The following ARHGEF7 variants were observed in gnomAD, a reference collection of about 807,000 sequenced individuals.
The protein encoded by ARHGEF7 is Rho guanine nucleotide exchange factor 7, also known as PAK-interacting exchange factor beta.
In ARHGEF7, 33 loss-of-function variants were observed where a neutral mutation model predicts 109.8. That is an observed-to-expected ratio of 0.30 (90% CI 0.23 to 0.40). The LOEUF (loss-of-function observed/expected upper bound fraction) is 0.40, where lower values mean the gene tolerates loss of function less well. Ranked by LOEUF, ARHGEF7 falls within the 10% of genes least tolerant of loss-of-function variation. The pLI is 1.00. For missense variants in ARHGEF7, 938 were observed against 1,098.5 expected (o/e 0.85, Z 2.07); for synonymous variants, 458 against 424.6 (o/e 1.08, Z -0.97).
At chr13:111,263,159 C>T (rs541289473) in intron 8 of ARHGEF7, among the ~76,000 whole-genome samples, 4 of 152,154 alleles carry the variant, frequency 2.6e-5, no homozygotes, top group South Asian at 2.1e-4. Context: ...TATGTTGGCA[C>T]GTTATGCTCG....
At chr13:111,159,759 A>G (rs1019545179) in intron 2 of ARHGEF7, among the ~76,000 whole-genome samples, 1 of 152,114 alleles carries the variant, frequency 6.6e-6, no homozygotes, top group Non-Finnish European at 1.5e-5. Flanking sequence ...TATTTTGGAT[A>G]TTAGCTTCTT....
At chr13:111,191,728 A>G (rs1168531200) in intron 2 of ARHGEF7, among the ~76,000 whole-genome samples, 1 of 152,172 alleles carries the variant, frequency 6.6e-6, no homozygotes, top group Non-Finnish European at 1.5e-5. Context: ...GAGGTATCCA[A>G]GGAAGCAGGA....
chr13:111,270,487 T>G (rs968883985), intron 9 of ARHGEF7, among the ~76,000 whole-genome samples: 1 of 152,230 alleles, frequency 6.6e-6, no homozygotes, highest in African/African-American at 2.4e-5. Context: ...TTTCATTTCC[T>G]TTTTAACTGT....
chr13:111,235,909 A>G (rs1183757314), intron 6 of ARHGEF7, among the ~76,000 whole-genome samples: 1 of 152,220 alleles, frequency 6.6e-6, no homozygotes, highest in African/African-American at 2.4e-5. Flanking sequence ...CAATGGTGTT[A>G]AGGAAATTTA....
intron 2 of ARHGEF7, among the ~76,000 whole-genome samples, chr13:111,157,894 C>T (rs77021475): frequency 0.015 from 2,232 of 152,288 alleles, 27 homozygotes; most frequent in African/African-American, 0.034. Context: ...CATCTGACAA[C>T]TAGGGAAGCA....
chr13:111,200,077 C>G (rs2081036691), intron 2 of ARHGEF7, among the ~76,000 whole-genome samples: 1 of 152,168 alleles, frequency 6.6e-6, no homozygotes, highest in Non-Finnish European at 1.5e-5. Flanking sequence ...TCCTCCTCCT[C>G]TTCCTCAACA....
chr13:111,221,138 C>CAT (rs1223701745), intron 5 of ARHGEF7, among the ~76,000 whole-genome samples: 3 of 102,716 alleles, frequency 2.9e-5, no homozygotes, highest in Admixed American at 1.2e-4. Context: ...AACTCCCTTT[C>CAT]ATATATATAT....
In ARHGEF7 at chr13:111,159,229, G is replaced by C. The variant is rs1594102556; in HGVS notation, c.252+5238G>C. 46 of 617,086 alleles carry C rather than the reference G, an allele frequency of 7.5e-5. No homozygotes were observed. The South Asian group carries it at 8.8e-4, about 12-fold the overall frequency. The allele number at this position is 617,086 out of a possible 1,614,324, so 38.2% of individuals were successfully genotyped here. On this transcript the variant is annotated intron_variant, in intron 2 of 21. Coordinates refer to ENST00000646102, the MANE Select transcript of ARHGEF7 (RefSeq NM_001354046.2). ...ATAACAGGATTTCCTTTTTTTAAAA[G>C]TCTGACTAGTATTCTATTGTGTATA...
rs1373583148 is a variant in ARHGEF7 at position 111,115,432 on chromosome 13, C to G, written c.-95C>G. ...TCGCCGGCGCCGGCCGCTCGATGGG[C>G]GAGGCGGCGGCGGCGGCGGCGGGGG... On this transcript the variant is annotated 5_prime_UTR_variant, in exon 1 of 22. Coordinates refer to ENST00000646102, the MANE Select transcript of ARHGEF7 (RefSeq NM_001354046.2). The G allele has an allele frequency of 7.5e-6, 7 of 933,324 alleles. No homozygotes were observed. The highest frequency in any genetic ancestry group is 5.4e-4 in the Middle Eastern group (1 of 1,854). 57.8% of individuals were successfully genotyped at this position (933,324 alleles called of 1,614,324 possible).
chr13:111,257,604 C>T (rs1490377859), intron 8 of ARHGEF7, among the ~76,000 whole-genome samples: 1 of 152,240 alleles, frequency 6.6e-6, no homozygotes, highest in Non-Finnish European at 1.5e-5. Context: ...CGAAGAAATA[C>T]CTTCTTAAGA....
At chr13:111,189,353 A>T (rs981858201) in intron 2 of ARHGEF7, among the ~76,000 whole-genome samples, 2 of 152,076 alleles carry the variant, frequency 1.3e-5, no homozygotes, top group Non-Finnish European at 2.9e-5. Context: ...GATGTGTCAG[A>T]GTTTCTTCTT....
At chr13:111,247,067 A>G (rs375734897) in intron 8 of ARHGEF7, among the ~76,000 whole-genome samples, 27 of 152,338 alleles carry the variant, frequency 1.8e-4, no homozygotes, top group African/African-American at 6.5e-4. Context: ...CATGTATACG[A>G]GGTGTTAGAG....
chr13:111,253,054 T>C (rs2089976114), intron 8 of ARHGEF7, among the ~76,000 whole-genome samples: 1 of 152,280 alleles, frequency 6.6e-6, no homozygotes, highest in African/African-American at 2.4e-5. Context: ...CCTTCTCCTG[T>C]TGGGGGCAGG....
At chr13:111,263,813 T>C (rs1022193131) in intron 8 of ARHGEF7, among the ~76,000 whole-genome samples, 2 of 73,024 alleles carry the variant, frequency 2.7e-5, no homozygotes, top group African/African-American at 7.5e-5. Flanking sequence ...GGCGTGTTCT[T>C]CCTCCTCTGT....
intron 2 of ARHGEF7, among the ~76,000 whole-genome samples, chr13:111,192,185 A>C: frequency 6.6e-6 from 1 of 152,156 alleles, no homozygotes; most frequent in Admixed American, 6.5e-5. Context: ...ATGGTCCTGC[A>C]GGTTTCTCAG....
rs2092231968 is a variant in ARHGEF7, at chr13:111,272,495, G to A, written c.1074-1319G>A. Among the ~76,000 whole-genome samples, 1 of 152,210 alleles carries A rather than the reference G, an allele frequency of 6.6e-6. No individual in the cohort carries two copies. The highest frequency in any genetic ancestry group is 1.5e-5 in the Non-Finnish European group (1 of 68,040). ...TATTTTAGGACATCGTTTACATAAT[G>A]AGGATATAAAAGTATCTTTTCCTTT... On this transcript the variant is annotated intron_variant, in intron 9 of 21. Transcript: ENST00000646102. The surrounding 1 kb of genome is among the most constrained non-coding windows in gnomAD (Gnocchi z 5.2).
intron 2 of ARHGEF7, among the ~76,000 whole-genome samples, chr13:111,180,627 G>A (rs2078642905): frequency 6.6e-6 from 1 of 152,202 alleles, no homozygotes; most frequent in Non-Finnish European, 1.5e-5. Flanking sequence ...AGAGGTTAAG[G>A]AAGATGCCCA....
rs1415993720 is a variant in ARHGEF7, at chr13:111,258,472, A to G, written c.951-9076A>G. On this transcript the variant is annotated intron_variant, in intron 8 of 21. Coordinates refer to ENST00000646102, the MANE Select transcript of ARHGEF7 (RefSeq NM_001354046.2). This position sits in a 1 kb window ranked among gnomAD's most constrained non-coding sequence, Gnocchi z 4.4. Reference sequence around the variant, plus strand: ...AGGCTCCCGGACGACATTTATAGACATACCTTGGACCAAAAGGGAACCCAC... The same window carrying G: ...AGGCTCCCGGACGACATTTATAGACGTACCTTGGACCAAAAGGGAACCCAC... Among the ~76,000 whole-genome samples, 1 of 152,226 alleles carries G rather than the reference A, an allele frequency of 6.6e-6. No individual in the cohort carries two copies. The highest frequency in any genetic ancestry group is 2.4e-5 in the African/African-American group (1 of 41,460).
At chr13:111,242,148 G>T (rs5021962) in intron 6 of ARHGEF7, among the ~76,000 whole-genome samples, 1 of 152,160 alleles carries the variant, frequency 6.6e-6, no homozygotes, top group African/African-American at 2.4e-5. Context: ...CTCTCCCACG[G>T]TCGTCTCCCT....
Sources: allele counts gnomAD v4.1 joint callset (sites outside exome capture counted in the v4.1 genomes callset), GRCh38; gene constraint gnomAD v4.1.1; non-coding constraint Gnocchi (gnomAD v3.1); transcripts MANE v1.5; gene names NCBI Gene and HGNC (gene_info 2026-07-23, HGNC 2026-07-21).